GRID1: variants seen among roughly 807,000 people sequenced by gnomAD.
GRID1 encodes the protein glutamate receptor ionotropic, delta-1.
GRID1 carries 28 observed loss-of-function variants against 98.0 expected under a neutral mutation model. The ratio of observed to expected loss-of-function variants is 0.29; its 90% confidence interval spans 0.21 to 0.39. The LOEUF (loss-of-function observed/expected upper bound fraction) is 0.39, where lower values mean the gene tolerates loss of function less well. Ranked by LOEUF, GRID1 falls within the 10% of genes least tolerant of loss-of-function variation. The pLI, the probability that GRID1 is intolerant of heterozygous loss-of-function variation, is 1.00. For missense variants in GRID1, 1,111 were observed against 1,340.5 expected (o/e 0.83, Z 2.67); for synonymous variants, 553 against 538.5 (o/e 1.03, Z -0.37).
intron 3 of GRID1, among the ~76,000 whole-genome samples, chr10:86,179,573 A>G (rs1391579972): frequency 6.6e-6 from 1 of 152,138 alleles, no homozygotes; most frequent in African/African-American, 2.4e-5. Context: ...TTTCTCTGAC[A>G]GTTTGTGGGG....
chr10:86,036,383 C>T (rs1305346772), intron 4 of GRID1, among the ~76,000 whole-genome samples: 2 of 152,182 alleles, frequency 1.3e-5, no homozygotes, highest in Non-Finnish European at 2.9e-5. Context: ...AGCTTTGAGG[C>T]TATCAGTCCA....
chr10:85,766,784 T>C (rs1842202389), intron 8 of GRID1, among the ~76,000 whole-genome samples: 1 of 151,014 alleles, frequency 6.6e-6, no homozygotes, highest in South Asian at 2.1e-4. Context: ...GATTTTGTTG[T>C]ATCTGTCAGG....
chr10:86,264,385 T>C (rs1847070385), intron 2 of GRID1, among the ~76,000 whole-genome samples: 1 of 152,214 alleles, frequency 6.6e-6, no homozygotes, highest in African/African-American at 2.4e-5. Context: ...TTGTACCCTG[T>C]ACCCCTGCCC....
intron 4 of GRID1, among the ~76,000 whole-genome samples, chr10:86,028,033 G>A (rs1255926176): frequency 2.6e-5 from 4 of 152,166 alleles, no homozygotes; most frequent in Non-Finnish European, 5.9e-5. Context: ...GTGATGTATG[G>A]ATGAGAAAAT....
intron 4 of GRID1, among the ~76,000 whole-genome samples, chr10:86,060,680 A>G (rs1376818334): frequency 6.6e-6 from 1 of 152,180 alleles, no homozygotes; most frequent in Non-Finnish European, 1.5e-5. Flanking sequence ...GCACATGAAC[A>G]GTGCTCCTGA....
chr10:85,670,340 A>G (rs554680978), intron 12 of GRID1, among the ~76,000 whole-genome samples: 1 of 152,324 alleles, frequency 6.6e-6, no homozygotes, highest in South Asian at 2.1e-4. Flanking sequence ...TGCATTAGAA[A>G]CAGAGCAGTG....
At chr10:85,980,213 C>T (rs1489875230) in intron 4 of GRID1, among the ~76,000 whole-genome samples, 1 of 152,186 alleles carries the variant, frequency 6.6e-6, no homozygotes, top group Non-Finnish European at 1.5e-5. Flanking sequence ...GGTGGGATTC[C>T]CCCATGCCCA....
chr10:85,976,042 G>A (rs1396934778), intron 4 of GRID1, among the ~76,000 whole-genome samples: 2 of 152,028 alleles, frequency 1.3e-5, no homozygotes, highest in African/African-American at 2.4e-5. Context: ...TCACGGGGTG[G>A]GCAAGTGTTG....
Position 86,265,145 on chromosome 10 carries a change from T to G in GRID1, c.236-58497A>C, listed in dbSNP as rs141145608. ...GGCCTGCAGACTGAGTGGCCCACCCTGCCCGGCCCCCCATAGGCATGAGCT... is the reference window on the plus strand; with the variant it reads ...GGCCTGCAGACTGAGTGGCCCACCCGGCCCGGCCCCCCATAGGCATGAGCT... On this transcript the variant is annotated intron_variant, in intron 2 of 15. Coordinates refer to ENST00000327946, the MANE Select transcript of GRID1 (RefSeq NM_017551.3). 1.8e-3 allele frequency among the ~76,000 whole-genome samples: 262 copies of G among 145,832 alleles called. 1 individual carries two copies. Among genetic ancestry groups the G allele is most frequent in the African/African-American group, 6.2e-3 (250 of 40,118 alleles).
intron 4 of GRID1, among the ~76,000 whole-genome samples, chr10:86,074,706 G>A (rs1316656912): frequency 6.6e-6 from 1 of 152,142 alleles, no homozygotes; most frequent in Non-Finnish European, 1.5e-5. Flanking sequence ...TCCTTGGATA[G>A]AACTCAGCAG....
chr10:85,735,068 G>T lies in GRID1; in HGVS notation c.1234-5454C>A, dbSNP rs538754133. Among the ~76,000 whole-genome samples, 4 of 152,272 alleles carry T rather than the reference G, an allele frequency of 2.6e-5. No individual in the cohort carries two copies. In the East Asian group the frequency reaches 7.7e-4, roughly 29 times the overall value. On this transcript the variant is annotated intron_variant, in intron 8 of 15. Coordinates refer to ENST00000327946, the MANE Select transcript of GRID1 (RefSeq NM_017551.3). Reference sequence around the variant, plus strand: ...AAGCCAGAAAAAGCTTTCATCCAAAGAAGTCCCAACACTTAGTCATACAGC... The same window carrying T: ...AAGCCAGAAAAAGCTTTCATCCAAATAAGTCCCAACACTTAGTCATACAGC...
chr10:85,881,161 C>A (rs916258122), intron 5 of GRID1, among the ~76,000 whole-genome samples: 2 of 151,900 alleles, frequency 1.3e-5, no homozygotes, highest in East Asian at 3.9e-4. Context: ...ATGCTCATGG[C>A]TAGGAAGAAT....
intron 4 of GRID1, among the ~76,000 whole-genome samples, chr10:86,043,137 A>G (rs1843371477): frequency 6.6e-6 from 1 of 152,208 alleles, no homozygotes; most frequent in African/African-American, 2.4e-5. Flanking sequence ...GAGTGGAGTT[A>G]CATACCTTCG....
At chr10:86,293,223 T>C (rs1847541052) in intron 2 of GRID1, among the ~76,000 whole-genome samples, 1 of 152,224 alleles carries the variant, frequency 6.6e-6, no homozygotes, top group African/African-American at 2.4e-5. Context: ...TCTTTCCCTG[T>C]GGCCCATGCA....
At chr10:85,811,464 CA>C (rs1842670072) in intron 8 of GRID1, among the ~76,000 whole-genome samples, 1 of 150,406 alleles carries the variant, frequency 6.6e-6, no homozygotes, top group Non-Finnish European at 1.5e-5. Context: ...ATTAGGAAGC[CA>C]ACTTAGTATC....
chr10:86,200,653 A>G (rs1479190285), intron 3 of GRID1, among the ~76,000 whole-genome samples: 1 of 152,242 alleles, frequency 6.6e-6, no homozygotes, highest in Non-Finnish European at 1.5e-5. Flanking sequence ...AGATGACTAC[A>G]TTTGACAACA....
At chr10:85,830,788 C>T (rs1842860816) in intron 8 of GRID1, among the ~76,000 whole-genome samples, 2 of 152,034 alleles carry the variant, frequency 1.3e-5, no homozygotes, top group Admixed American at 6.6e-5. Context: ...GTCAGAATAG[C>T]TATTATTAAA....
chr10:85,940,374 C>G (rs1460833703), intron 4 of GRID1, among the ~76,000 whole-genome samples: 2 of 152,206 alleles, frequency 1.3e-5, no homozygotes, highest in African/African-American at 2.4e-5. Flanking sequence ...AGCTTCAGCT[C>G]TGCTCTTAGG....
intron 13 of GRID1, among the ~76,000 whole-genome samples, chr10:85,639,290 C>T (rs1212765687): frequency 6.6e-6 from 1 of 152,122 alleles, no homozygotes; most frequent in African/African-American, 2.4e-5. Flanking sequence ...ATCTCATATA[C>T]ATTTTGTTGG....
Sources: gnomAD v4.1 joint callset for allele counts (sites outside exome capture counted in the v4.1 genomes callset) on GRCh38, gnomAD v4.1.1 for gene constraint, MANE v1.5 for transcripts, NCBI Gene and HGNC (gene_info 2026-07-23, HGNC 2026-07-21) for gene names.